The following STS variants were observed in gnomAD, a reference collection of about 807,000 sequenced individuals.
The protein encoded by STS is steryl-sulfatase.
A neutral mutation model predicts 26.8 loss-of-function variants in STS; 7 were observed. That is an observed-to-expected ratio of 0.26 (90% CI 0.15 to 0.49). STS has a LOEUF of 0.49. Among genes scored for constraint, STS ranks in the 20% least tolerant of loss-of-function variants. The probability of loss-of-function intolerance (pLI) is 0.98; values close to 1 mark genes in which losing one functional copy is unlikely to be tolerated. For missense variants in STS, 434 were observed against 465.6 expected, an observed-to-expected ratio of 0.93 and a Z score of 0.63; for synonymous variants, 199 against 189.4, an observed-to-expected ratio of 1.05 and a Z score of -0.42.
At chrX:7,329,378 C>T (rs1478333904) in intron 9 of STS, among the ~76,000 whole-genome samples, 1 of 111,854 alleles carries the variant, frequency 8.9e-6, no homozygotes, top group Non-Finnish European at 1.9e-5. Flanking sequence ...GCGGTGCTGA[C>T]GTCGAGAAAT....
chrX:7,303,996 T>C (rs1466551904), intron 7 of STS, among the ~76,000 whole-genome samples: 1 of 112,070 alleles, frequency 8.9e-6, no homozygotes, highest in African/African-American at 3.2e-5. Context: ...GCAGCTATCA[T>C]GTTCCTCACC....
chrX:7,157,134 T>C (rs1424843366), intron 1 of STS, among the ~76,000 whole-genome samples: 3 of 111,990 alleles, frequency 2.7e-5, no homozygotes, highest in African/African-American at 9.7e-5. Flanking sequence ...TCCTTCTGCA[T>C]GGCTAAGAGG....
At chrX:7,172,339 C>T (rs1028593957) in intron 1 of STS, among the ~76,000 whole-genome samples, 1 of 111,036 alleles carries the variant, frequency 9.0e-6, no homozygotes, top group East Asian at 2.8e-4. Context: ...CCTCACTGTT[C>T]GTGATGCCTG....
intron 2 of STS, among the ~76,000 whole-genome samples, chrX:7,203,642 A>C (rs1247978402): frequency 8.9e-6 from 1 of 112,098 alleles, no homozygotes; most frequent in Non-Finnish European, 1.9e-5. Context: ...GAATTTATAA[A>C]GAATCATATA....
intron 1 of STS, among the ~76,000 whole-genome samples, chrX:7,187,337 G>A (rs1355335450): frequency 1.8e-5 from 2 of 112,134 alleles, no homozygotes; most frequent in Non-Finnish European, 1.9e-5. Flanking sequence ...TACATGGAAT[G>A]TTCTGGAAGC....
intron 1 of STS, among the ~76,000 whole-genome samples, chrX:7,171,668 G>T (rs1359612568): frequency 2.7e-5 from 3 of 111,351 alleles, no homozygotes; most frequent in Non-Finnish European, 5.7e-5. Context: ...GACTAATTGC[G>T]AATTATTTTC....
intron 2 of STS, among the ~76,000 whole-genome samples, chrX:7,250,414 AAG>A (rs1491075397): frequency 1.4e-4 from 15 of 107,140 alleles, no homozygotes; most frequent in Non-Finnish European, 1.3e-4. Flanking sequence ...AAAAAAAAAA[AAG>A]AAAGAAAGAA....
chrX:7,261,422 A>G (rs1405817408), intron 6 of STS, among the ~76,000 whole-genome samples: 3 of 112,596 alleles, frequency 2.7e-5, no homozygotes. Context: ...ATTTAAAAAC[A>G]AGCAAATATG....
chrX:7,301,490 A>C (rs1163851865), intron 7 of STS, among the ~76,000 whole-genome samples: 1 of 111,399 alleles, frequency 9.0e-6, no homozygotes, highest in Non-Finnish European at 1.9e-5. Context: ...CCCTGCACAT[A>C]GTTTCCTTAT....
At chrX:7,219,480 G>T in intron 2 of STS, 2 of 1,118,213 alleles carry the variant, frequency 1.8e-6, no homozygotes, top group Non-Finnish European at 2.4e-6. Context: ...CAAGCCTCCA[G>T]CAGCTGACGG....
rs1251746522 is a variant in STS, at chrX:7,203,478, C to A, written c.-5+12470C>A. On this transcript the variant is annotated intron_variant, in intron 2 of 10. Coordinates refer to ENST00000674429, the MANE Select transcript of STS (RefSeq NM_001320752.2). ...CCAATTGTAAGCCCAAGTTCATTTT[C>A]TTTTTATTCCCACTAGTAAAAACTA... Among the ~76,000 whole-genome samples, 8 of 111,629 alleles carry A rather than the reference C, an allele frequency of 7.2e-5. No individual in the cohort carries two copies. In the Admixed American group the frequency reaches 7.6e-4, roughly 11 times the overall value.
chrX:7,323,576 A>G (rs1347227380), intron 8 of STS, among the ~76,000 whole-genome samples: 1 of 111,956 alleles, frequency 8.9e-6, no homozygotes, highest in Non-Finnish European at 1.9e-5. Context: ...ATGGCTGTGT[A>G]GTATTCCATG....
At chrX:7,313,186 G>T (rs1390010813) in intron 8 of STS, among the ~76,000 whole-genome samples, 5 of 112,243 alleles carry the variant, frequency 4.5e-5, no homozygotes, top group Admixed American at 1.9e-4. Flanking sequence ...GTGTGGGGGT[G>T]GGGGATCATA....
intron 9 of STS, among the ~76,000 whole-genome samples, chrX:7,332,644 C>T (rs1227409246): frequency 9.0e-6 from 1 of 111,115 alleles, no homozygotes; most frequent in Non-Finnish European, 1.9e-5. Context: ...CACTTCCTCT[C>T]TTACTTCTTC....
intron 7 of STS, among the ~76,000 whole-genome samples, chrX:7,300,210 A>G (rs1318890962): frequency 8.9e-6 from 1 of 112,199 alleles, no homozygotes; most frequent in African/African-American, 3.2e-5. Context: ...GTTAAATAAC[A>G]AAGTGCTCTT....
At chrX:7,150,237 TA>T (rs1932984800) in intron 1 of STS, among the ~76,000 whole-genome samples, 1 of 111,995 alleles carries the variant, frequency 8.9e-6, no homozygotes, top group Non-Finnish European at 1.9e-5. Flanking sequence ...TTTCTTCTTT[TA>T]TGAGACAGAG....
chrX:7,334,202 A>G (rs1927901795), intron 10 of STS, 95 bp downstream of exon 10: 23 of 1,133,617 alleles, frequency 2.0e-5, no homozygotes, highest in South Asian at 3.6e-5. Context: ...GCTCTGCTCA[A>G]TGGAGGCCAA....
At chrX:7,268,008 T>A (rs1924088869) in intron 6 of STS, among the ~76,000 whole-genome samples, 1 of 110,428 alleles carries the variant, frequency 9.1e-6, no homozygotes, top group African/African-American at 3.3e-5. Flanking sequence ...AGTGGTAAGA[T>A]CTCCTGTTCT....
chrX:7,330,392 C>T (rs1385217792), intron 9 of STS, among the ~76,000 whole-genome samples: 1 of 111,747 alleles, frequency 8.9e-6, no homozygotes, highest in African/African-American at 3.3e-5. Flanking sequence ...TTTTGGAAAA[C>T]ATCAACATTT....
Sources: gnomAD v4.1 joint callset for allele counts (sites outside exome capture counted in the v4.1 genomes callset) on GRCh38, gnomAD v4.1.1 for gene constraint, MANE v1.5 for transcripts, NCBI Gene and HGNC (gene_info 2026-07-23, HGNC 2026-07-21) for gene names.